Variants in DNAH7 observed in about 807,000 individuals in gnomAD.
DNAH7 encodes axonemal beta dynein heavy chain 7.
Under a neutral mutation model 444.6 loss-of-function variants are expected in DNAH7, and 397 were observed. That is an observed-to-expected ratio of 0.89 (90% CI 0.82 to 0.97). The LOEUF is 0.97. Ranked by LOEUF, DNAH7 falls within the 50% of genes least tolerant of loss-of-function variation. DNAH7 has a pLI of 0.00. For missense variants in DNAH7, 4,902 were observed against 4,800.8 expected, an observed-to-expected ratio of 1.02 and a Z score of -0.62; for synonymous variants, 1,636 against 1,624.4, an observed-to-expected ratio of 1.01 and a Z score of -0.17.
intron 39 of DNAH7, among the ~76,000 whole-genome samples, chr2:195,872,820 C>T (rs1700800015): frequency 6.6e-6 from 1 of 151,980 alleles, no homozygotes; most frequent in Non-Finnish European, 1.5e-5. Flanking sequence ...CTTTCATTCC[C>T]TGGCATTCTC....
intron 5 of DNAH7, among the ~76,000 whole-genome samples, chr2:196,034,947 G>A (rs183190847): frequency 1.1e-3 from 174 of 152,322 alleles, no homozygotes; most frequent in Middle Eastern, 0.01. Context: ...TTGGGAGGCC[G>A]AGGCAAGTGG....
chr2:195,861,658 C>T, intron 42 of DNAH7, 59 bp downstream of exon 42: 1 of 1,196,006 alleles, frequency 8.4e-7, no homozygotes, highest in Non-Finnish European at 1.2e-6. Context: ...GTCGTTTTTG[C>T]ACACACAAGT....
At chr2:195,783,398 C>A (rs1027649201) in intron 58 of DNAH7, among the ~76,000 whole-genome samples, 1 of 152,174 alleles carries the variant, frequency 6.6e-6, no homozygotes, top group South Asian at 2.1e-4. Context: ...GCAGGCCACA[C>A]TCTCTCTCAA....
chr2:195,833,048 T>C (rs1698147879), intron 48 of DNAH7, among the ~76,000 whole-genome samples: 1 of 152,100 alleles, frequency 6.6e-6, no homozygotes, highest in Admixed American at 6.6e-5. Context: ...CCAAGGACAG[T>C]CCCCTGCCCA....
intron 38 of DNAH7, among the ~76,000 whole-genome samples, chr2:195,874,210 G>T (rs72915157): frequency 0.01 from 1,575 of 152,226 alleles, 10 homozygotes; most frequent in Middle Eastern, 0.017. Context: ...AGTTCATATA[G>T]TGACTTCACT....
intron 24 of DNAH7, among the ~76,000 whole-genome samples, chr2:195,919,446 G>A (rs913072848): frequency 3.9e-5 from 6 of 152,032 alleles, no homozygotes; most frequent in African/African-American, 1.4e-4. Context: ...TTGGGTTCAA[G>A]TGATTCTTCT....
In DNAH7 at chr2:195,900,272, T is replaced by C. The variant is rs1269684514; in HGVS notation, c.4548+10A>G. The C allele has an allele frequency of 6.2e-7, 1 of 1,613,214 alleles. No homozygotes were observed. The highest frequency in any genetic ancestry group is 8.5e-7 in the Non-Finnish European group (1 of 1,179,236). Reference sequence around the variant, plus strand: ...GGAAATTTACAAGTAAGAAATATTGTGTTCTCTACCTTCAGATTCCCAGCA... The same window carrying C: ...GGAAATTTACAAGTAAGAAATATTGCGTTCTCTACCTTCAGATTCCCAGCA... On this transcript the variant is annotated intron_variant, in intron 28 of 64. Coordinates refer to ENST00000312428, the MANE Select transcript of DNAH7 (RefSeq NM_018897.3).
chr2:195,834,225 G>A lies in DNAH7; in HGVS notation c.9081C>T (p.Cys3027=), dbSNP rs757717886. The A allele has an allele frequency of 1.2e-5, 20 of 1,605,536 alleles. No homozygotes were observed. The highest frequency in any genetic ancestry group is 1.7e-5 in the Non-Finnish European group (20 of 1,173,822). The part of the protein sequence containing the change: ...EPDYVRTLEN[C]IQFGTPVLLE... The stretch of plus-strand genomic sequence containing the variant: ...ACATACCAGGAGTACCAAACTGGAT[G>A]CAATTTTCCAGAGTCCTGACATAGT... The change falls in exon 48 of 65, where the codon TGC becomes TGT. Residue 3027 remains cysteine (C), a synonymous_variant. Transcript: ENST00000312428.
chr2:196,060,920 T>TA (rs1051405261), intron 1 of DNAH7, among the ~76,000 whole-genome samples: 1 of 152,212 alleles, frequency 6.6e-6, no homozygotes, highest in Non-Finnish European at 1.5e-5. Flanking sequence ...TGTGAACACT[T>TA]AAACTTTTCA....
At position 196,025,874 on chromosome 2, in the gene DNAH7, T is replaced by A. The variant is rs1695653415; in HGVS notation, c.667+886A>T. On this transcript the variant is annotated intron_variant, in intron 7 of 64. Transcript: ENST00000312428. Reference sequence around the variant, plus strand: ...CTCCAAAGCATTATTATTTCTCCAATTTTGAACACAGCATCCGTCATACTA... The same window carrying A: ...CTCCAAAGCATTATTATTTCTCCAAATTTGAACACAGCATCCGTCATACTA... Among the ~76,000 whole-genome samples the A allele has an allele frequency of 2.0e-5, 3 of 152,158 alleles. No individual in the cohort carries two copies. The South Asian group carries it at 6.2e-4, about 32-fold the overall frequency.
intron 43 of DNAH7, among the ~76,000 whole-genome samples, chr2:195,858,190 T>C (rs1044400643): frequency 2.0e-5 from 3 of 152,204 alleles, no homozygotes; most frequent in African/African-American, 4.8e-5. Flanking sequence ...TATGTCTTTG[T>C]TGATTACTGC....
intron 59 of DNAH7, 110 bp downstream of exon 59, chr2:195,777,690 G>A (rs181790911): frequency 9.0e-7 from 1 of 1,111,456 alleles, no homozygotes. Context: ...GCACAGACAA[G>A]GGTAACAAAA....
intron 51 of DNAH7, among the ~76,000 whole-genome samples, chr2:195,812,613 C>G (rs75844448): frequency 0.017 from 2,550 of 152,056 alleles, 67 homozygotes; most frequent in African/African-American, 0.058. Flanking sequence ...CCATACTAGT[C>G]GTAACATAAT....
At chr2:196,023,772 G>A (rs1395196258) in intron 8 of DNAH7, among the ~76,000 whole-genome samples, 3 of 152,132 alleles carry the variant, frequency 2.0e-5, no homozygotes, top group African/African-American at 7.2e-5. Context: ...GCCTATCTTG[G>A]CTTTCAACAT....
At chr2:195,984,512 T>C (rs1221367161) in intron 15 of DNAH7, 120 bp downstream of exon 15, 3 of 987,672 alleles carry the variant, frequency 3.0e-6, no homozygotes, top group South Asian at 3.1e-5. Flanking sequence ...CACACCCAGC[T>C]AATTGAAAGT....
intron 24 of DNAH7, among the ~76,000 whole-genome samples, chr2:195,916,814 C>T (rs1005883789): frequency 1.3e-5 from 2 of 149,892 alleles, no homozygotes; most frequent in South Asian, 2.1e-4. Context: ...GTCAAGATTG[C>T]GTCAGCCGGG....
In DNAH7 at chr2:195,810,954, A is replaced by T. The variant is rs760294118; in HGVS notation, c.9762-1083T>A. 3.2e-4 allele frequency among the ~76,000 whole-genome samples: 48 copies of T among 152,206 alleles called. 1 individual carries two copies. Among genetic ancestry groups the T allele is most frequent in the Admixed American group, 4.6e-4 (7 of 15,282 alleles). On this transcript the variant is annotated intron_variant, in intron 51 of 64. Transcript: ENST00000312428. ...TCACATTTGGTCTTTTCAGAGTAAA[A>T]CAAAATTTTCTGCACTTTAAAACAA...
At chr2:195,828,259 A>G (rs1574506449) in intron 48 of DNAH7, among the ~76,000 whole-genome samples, 1 of 152,156 alleles carries the variant, frequency 6.6e-6, no homozygotes, top group Non-Finnish European at 1.5e-5. Flanking sequence ...TAGGATACAA[A>G]TAAGTTTCAT....
At chr2:196,055,216 C>T (rs1465980019) in intron 2 of DNAH7, among the ~76,000 whole-genome samples, 2 of 151,954 alleles carry the variant, frequency 1.3e-5, no homozygotes, top group African/African-American at 4.8e-5. Context: ...ATTAGCTAGG[C>T]GTGGTGACCC....
Sources: allele counts gnomAD v4.1 joint callset (sites outside exome capture counted in the v4.1 genomes callset), GRCh38; gene constraint gnomAD v4.1.1; transcripts MANE v1.5; gene names NCBI Gene and HGNC (gene_info 2026-07-23, HGNC 2026-07-21).